NRXN3: variants seen among roughly 807,000 people sequenced by gnomAD.
The protein encoded by NRXN3 is neurexin 3.
In NRXN3, 32 loss-of-function variants were observed where a neutral mutation model predicts 137.6. The observed-to-expected ratio is 0.23, with a 90% CI of 0.18 to 0.31. The LOEUF (loss-of-function observed/expected upper bound fraction) is 0.31. NRXN3 is among the 10% of genes least tolerant of loss of function. NRXN3 has a pLI of 1.00. For missense variants in NRXN3, 1,574 were observed against 2,062.5 expected (o/e 0.76, Z 4.59); for synonymous variants, 798 against 784.5 (o/e 1.02, Z -0.29).
At chr14:79,834,996 T>G (rs904178546) in intron 20 of NRXN3, among the ~76,000 whole-genome samples, 2 of 152,072 alleles carry the variant, frequency 1.3e-5, no homozygotes, top group Non-Finnish European at 2.9e-5. Flanking sequence ...CTACTCTACT[T>G]CTGTGAGTTC....
chr14:78,856,179 A>G (rs1256057018), intron 10 of NRXN3, among the ~76,000 whole-genome samples: 2 of 152,180 alleles, frequency 1.3e-5, no homozygotes, highest in Non-Finnish European at 2.9e-5. Flanking sequence ...TCACAGTTGC[A>G]AAGTCATTTT....
intron 4 of NRXN3, among the ~76,000 whole-genome samples, chr14:78,336,863 G>C (rs1440213348): frequency 2.0e-5 from 3 of 152,136 alleles, no homozygotes; most frequent in African/African-American, 7.2e-5. Context: ...ATTGGACTGG[G>C]ACAATGACTT....
intron 15 of NRXN3, among the ~76,000 whole-genome samples, chr14:79,062,101 G>A (rs962927187): frequency 1.3e-5 from 2 of 152,256 alleles, no homozygotes; most frequent in Middle Eastern, 3.4e-3. Context: ...TGGCTATTTG[G>A]TATCTTCAAG....
intron 18 of NRXN3, among the ~76,000 whole-genome samples, chr14:79,692,711 C>T (rs2098721031): frequency 6.6e-6 from 1 of 151,658 alleles, no homozygotes; most frequent in African/African-American, 2.4e-5. Flanking sequence ...AACAAACAAA[C>T]AAAAAACCAT....
chr14:79,707,134 T>C (rs1488618019), intron 19 of NRXN3, among the ~76,000 whole-genome samples: 1 of 152,158 alleles, frequency 6.6e-6, no homozygotes, highest in Admixed American at 6.5e-5. Flanking sequence ...TGAAAAAACA[T>C]TGATGATTGA....
intron 15 of NRXN3, among the ~76,000 whole-genome samples, chr14:79,037,483 A>T (rs1478323758): frequency 2.6e-5 from 4 of 152,102 alleles, no homozygotes; most frequent in Non-Finnish European, 5.9e-5. Context: ...AATAAAAGGG[A>T]TGATTTCTGG....
At chr14:78,729,497 A>G (rs1057119948) in intron 8 of NRXN3, among the ~76,000 whole-genome samples, 1 of 152,192 alleles carries the variant, frequency 6.6e-6, no homozygotes, top group Non-Finnish European at 1.5e-5. Context: ...CAGGATTGAG[A>G]AAAGCAGTCA....
chr14:79,080,315 C>G (rs2046733657), intron 15 of NRXN3, among the ~76,000 whole-genome samples: 1 of 152,146 alleles, frequency 6.6e-6, no homozygotes, highest in Non-Finnish European at 1.5e-5. Context: ...AAACACTGGG[C>G]AGAAGCAGAC....
chr14:79,813,211 C>T (rs2099240811), intron 20 of NRXN3, among the ~76,000 whole-genome samples: 1 of 152,084 alleles, frequency 6.6e-6, no homozygotes, highest in African/African-American at 2.4e-5. Context: ...GCAAACAAAG[C>T]ATGTTGATTT....
At chr14:79,775,137 C>A (rs746679991) in intron 19 of NRXN3, among the ~76,000 whole-genome samples, 6 of 151,856 alleles carry the variant, frequency 4.0e-5, no homozygotes, top group Non-Finnish European at 8.8e-5. Flanking sequence ...AATACCATAC[C>A]GTAATTCTAT....
chr14:79,670,111 C>T (rs1035926423), intron 17 of NRXN3, among the ~76,000 whole-genome samples: 1 of 151,998 alleles, frequency 6.6e-6, no homozygotes, highest in African/African-American at 2.4e-5. Flanking sequence ...ATACATTTCT[C>T]ATTCAGTCCT....
At chr14:79,714,410 G>A (rs1020452087) in intron 19 of NRXN3, among the ~76,000 whole-genome samples, 1 of 152,182 alleles carries the variant, frequency 6.6e-6, no homozygotes, top group Non-Finnish European at 1.5e-5. Flanking sequence ...AGAAAACGAA[G>A]CTGGAGGCTT....
intron 4 of NRXN3, among the ~76,000 whole-genome samples, chr14:78,495,256 T>A (rs1268653453): frequency 6.6e-6 from 1 of 151,952 alleles, no homozygotes; most frequent in Non-Finnish European, 1.5e-5. Flanking sequence ...ATTGACAGCT[T>A]CTAGACATCT....
intron 4 of NRXN3, among the ~76,000 whole-genome samples, chr14:78,481,097 C>T (rs2095466193): frequency 1.3e-5 from 2 of 152,190 alleles, no homozygotes; most frequent in Admixed American, 6.5e-5. Flanking sequence ...AAAACCTACA[C>T]AAGTCTTCTA....
intron 15 of NRXN3, among the ~76,000 whole-genome samples, chr14:79,436,866 C>A (rs1479010064): frequency 6.6e-6 from 1 of 152,174 alleles, no homozygotes; most frequent in Non-Finnish European, 1.5e-5. Context: ...ACTGCCTCAG[C>A]CTGCACTCCG....
chr14:78,473,011 C>T (rs1358362578), intron 4 of NRXN3, among the ~76,000 whole-genome samples: 1 of 151,564 alleles, frequency 6.6e-6, no homozygotes, highest in Non-Finnish European at 1.5e-5. Context: ...TTAATTAAGC[C>T]TCACAACTCC....
At chr14:78,763,853 G>C (rs561717766) in intron 8 of NRXN3, among the ~76,000 whole-genome samples, 73 of 152,238 alleles carry the variant, frequency 4.8e-4, no homozygotes, top group Admixed American at 1.2e-3. Context: ...CTGTCACAAG[G>C]GTGATTTAAT....
intron 15 of NRXN3, among the ~76,000 whole-genome samples, chr14:79,002,480 G>A (rs549519042): frequency 5.9e-4 from 90 of 152,210 alleles, no homozygotes; most frequent in Middle Eastern, 3.4e-3. Flanking sequence ...TTGGTTTACT[G>A]TTCCTGGGTT....
chr14:79,698,614 C>T (rs942705460), intron 19 of NRXN3, among the ~76,000 whole-genome samples: 1 of 151,924 alleles, frequency 6.6e-6, no homozygotes, highest in East Asian at 1.9e-4. Context: ...GTAATTATAT[C>T]CAAACTAAGC....
Sources: gnomAD v4.1 joint callset for allele counts (sites outside exome capture counted in the v4.1 genomes callset) on GRCh38, gnomAD v4.1.1 for gene constraint, MANE v1.5 for transcripts, NCBI Gene and HGNC (gene_info 2026-07-23, HGNC 2026-07-21) for gene names.